XPO5: variants seen among roughly 807,000 people sequenced by gnomAD.
XPO5 encodes exportin-5.
XPO5 carries 46 observed loss-of-function variants against 160.6 expected under a neutral mutation model. The observed-to-expected ratio is 0.29, with a 90% CI of 0.23 to 0.37. The LOEUF (loss-of-function observed/expected upper bound fraction) is 0.37. Ranked by LOEUF, XPO5 falls within the 10% of genes least tolerant of loss-of-function variation. The pLI is 1.00. For synonymous variants in XPO5, 537 were observed against 519.3 expected (o/e 1.03, Z -0.46); for missense variants, 1,090 against 1,463.9 (o/e 0.74, Z 4.17).
intron 1 of XPO5, among the ~76,000 whole-genome samples, chr6:43,574,581 A>G (rs1274989375): frequency 1.3e-5 from 2 of 151,966 alleles, no homozygotes; most frequent in East Asian, 3.8e-4. Context: ...CAGTAGCCCT[A>G]CTAGTGTTGG....
chr6:43,560,795 C>A, intron 10 of XPO5, 129 bp downstream of exon 10: 1 of 775,596 alleles, frequency 1.3e-6, no homozygotes, highest in Non-Finnish European at 2.2e-6. Context: ...AATGAAATGA[C>A]ACTACGGTCA....
chr6:43,525,759 A>G (rs1008717368), intron 28 of XPO5, 80 bp downstream of exon 28: 5 of 1,435,512 alleles, frequency 3.5e-6, no homozygotes, highest in Non-Finnish European at 4.7e-6. Flanking sequence ...AACTCTTGAT[A>G]GCACCATAGA....
chr6:43,528,816 C>CT lies in XPO5; in HGVS notation c.2775+11dup. ...AGTACTCTTTGCTTCCTGTTCCTGA[C>CT]TTATCTCTTACCATATGGAGGTAGG... On this transcript the variant is annotated intron_variant, in intron 24 of 31. Transcript: ENST00000265351. 1 of 1,612,538 alleles carries CT rather than the reference C, an allele frequency of 6.2e-7. No individual in the cohort carries two copies. The highest frequency in any genetic ancestry group is 8.5e-7 in the Non-Finnish European group (1 of 1,178,958).
At chr6:43,531,016 C>T (rs1382377088) in intron 22 of XPO5, among the ~76,000 whole-genome samples, 192 bp from the exon 23 acceptor site, 3 of 152,164 alleles carry the variant, frequency 2.0e-5, no homozygotes. Flanking sequence ...TCAGCAGTAG[C>T]TTTCATTACT....
rs548836265 is a variant in XPO5 at position 43,523,213 on chromosome 6, A to G, written c.*655T>C. The G allele has an allele frequency of 1.7e-5, 3 of 173,440 alleles. No individual in the cohort carries two copies. The East Asian group carries it at 4.5e-4, about 26-fold the overall frequency. 10.7% of individuals were successfully genotyped at this position (173,440 alleles called of 1,614,324 possible). ...GGGATGTTAGCACTAAAGACTTCCC[A>G]GCCCTGGTCCTTGGAGGTACTATAC... is the stretch of plus-strand genomic sequence containing the variant. On this transcript the variant is annotated 3_prime_UTR_variant, in exon 32 of 32. Coordinates refer to ENST00000265351, the MANE Select transcript of XPO5 (RefSeq NM_020750.3).
At chr6:43,525,396 C>T (rs1793515499) in intron 28 of XPO5, 182 bp from the exon 29 acceptor site, 6 of 616,308 alleles carry the variant, frequency 9.7e-6, no homozygotes, top group Admixed American at 5.9e-5. Flanking sequence ...TCTAAGCCTC[C>T]CGAATAGCTG....
At chr6:43,545,770 A>G (rs555461865) in intron 20 of XPO5, among the ~76,000 whole-genome samples, 1 of 152,280 alleles carries the variant, frequency 6.6e-6, no homozygotes, top group South Asian at 2.1e-4. Flanking sequence ...TCTTTGGCCA[A>G]TAACTGAATT....
In XPO5 at chr6:43,565,660, T is replaced by C; in HGVS notation, c.911A>G (p.Gln304Arg). The change falls in exon 8 of 32, where the codon CAG (glutamine) becomes CGG (arginine). Residue 304 changes from glutamine (Q) to arginine (R), a missense_variant and splice_region_variant. This residue lies in a region of XPO5 where 810 missense variants were observed against 1,139.0 expected (regional missense o/e 0.71). Transcript: ENST00000265351. ...VAMHYILSAA[Q>R]TADGGGLVEK... ...CACACTGAAAAGTAAAGATACTCACTGTGCGGCGGAGAGTATATAATGCAT... is the reference window on the plus strand; with the variant it reads ...CACACTGAAAAGTAAAGATACTCACCGTGCGGCGGAGAGTATATAATGCAT... 9.4e-6 allele frequency: 15 copies of C among 1,595,734 alleles called. No individual in the cohort carries two copies. The highest frequency in any genetic ancestry group is 2.2e-5 in the East Asian group (1 of 44,512).
chr6:43,544,747 T>C (rs1294125258), intron 20 of XPO5, among the ~76,000 whole-genome samples: 1 of 152,218 alleles, frequency 6.6e-6, no homozygotes, highest in Non-Finnish European at 1.5e-5. Context: ...ACCCCATCTC[T>C]ATTAATAAAA....
At chr6:43,565,790 A>C in intron 7 of XPO5, 54 bp from the exon 8 acceptor site, 2 of 1,343,170 alleles carry the variant, frequency 1.5e-6, no homozygotes, top group Middle Eastern at 1.8e-4. Flanking sequence ...CAAAGTACCG[A>C]CATCTTCTGT....
chr6:43,569,462 G>A (rs149187790), intron 5 of XPO5, among the ~76,000 whole-genome samples: 2,112 of 152,170 alleles, frequency 0.014, 43 homozygotes, highest in African/African-American at 0.045. Flanking sequence ...GGCCAGGCGC[G>A]GTGGCTCACG....
chr6:43,526,119 A>C (rs1206501160), intron 27 of XPO5, 198 bp from the exon 28 acceptor site: 1 of 569,806 alleles, frequency 1.8e-6, no homozygotes, highest in South Asian at 2.2e-5. Context: ...CAAGCTGTAC[A>C]TGAGGGAAAT....
intron 20 of XPO5, among the ~76,000 whole-genome samples, chr6:43,535,246 C>T (rs1057496214): frequency 1.9e-4 from 28 of 151,104 alleles, no homozygotes; most frequent in Non-Finnish European, 3.4e-4. Context: ...GGCAACAGAG[C>T]GAGACTCTGT....
intron 20 of XPO5, chr6:43,539,545 G>T: frequency 7.0e-7 from 1 of 1,420,496 alleles, no homozygotes; most frequent in Non-Finnish European, 9.8e-7. Flanking sequence ...CTTTGGCCTT[G>T]CCTCCGCGAG....
chr6:43,566,236 A>C (rs1762688063), intron 7 of XPO5, among the ~76,000 whole-genome samples: 1 of 152,122 alleles, frequency 6.6e-6, no homozygotes, highest in African/African-American at 2.4e-5. Context: ...CTACTAAAAA[A>C]TACAAAAATT....
In XPO5 at chr6:43,533,913, T is replaced by C. The variant is rs1378156245; in HGVS notation, c.2437A>G (p.Ile813Val). The C allele has an allele frequency of 1.4e-5, 22 of 1,600,248 alleles. No individual in the cohort carries two copies. Among genetic ancestry groups the C allele is most frequent in the East Asian group, 1.4e-4 (6 of 44,260 alleles). ...AAAAGGTTACATTTCTTACCTAATATAGCAGATTTTTCCGCGTCAAGCATA... is the reference window on the plus strand; with the variant it reads ...AAAAGGTTACATTTCTTACCTAATACAGCAGATTTTTCCGCGTCAAGCATA... ...LDMLDAEKSA[I>V]LGLPQPLLEL... The change falls in exon 21 of 32, where the codon ATA becomes GTA. Residue 813 changes from isoleucine to valine, a missense_variant. Physicochemically the swap from Ile to Val is conservative, Grantham distance 29 (BLOSUM62 3). This residue lies in a region of XPO5 where 810 missense variants were observed against 1,139.0 expected (regional missense o/e 0.71). Coordinates refer to ENST00000265351, the MANE Select transcript of XPO5 (RefSeq NM_020750.3).
chr6:43,542,879 G>A lies in XPO5; in HGVS notation c.2342+3692C>T, dbSNP rs940450733. Among the ~76,000 whole-genome samples the A allele has an allele frequency of 1.4e-4, 22 of 152,134 alleles. 1 individual carries two copies. Among genetic ancestry groups the A allele is most frequent in the Non-Finnish European group, 2.9e-5 (2 of 68,012 alleles). On this transcript the variant is annotated intron_variant, in intron 20 of 31. Coordinates refer to ENST00000265351, the MANE Select transcript of XPO5 (RefSeq NM_020750.3). ...TCTACTCCTATGTGTGTATCCAACA[G>A]AAATTATATATATATGTTCACAAAA...
chr6:43,548,376 T>A lies in XPO5; in HGVS notation c.1945A>T (p.Met649Leu), dbSNP rs756502416. 1 of 1,613,584 alleles carries A rather than the reference T, an allele frequency of 6.2e-7. No homozygotes were observed. The highest frequency in any genetic ancestry group is 1.7e-5 in the Admixed American group (1 of 59,998). ...LLTQMEKCAL[M>L]EALVLISNQF... Reference sequence around the variant, plus strand: ...TTGCTAATGAGAACCAGGGCTTCCATGAGGGCACACTTCTCCATTTGTGTC... The same window carrying A: ...TTGCTAATGAGAACCAGGGCTTCCAAGAGGGCACACTTCTCCATTTGTGTC... Residue 649 changes from methionine to leucine, a missense_variant, in exon 18 of 32, where the codon ATG becomes TTG. Physicochemically the swap from Met to Leu is conservative, Grantham distance 15. This residue lies in a region of XPO5 where 810 missense variants were observed against 1,139.0 expected (regional missense o/e 0.71). Transcript: ENST00000265351.
chr6:43,526,053 G>C, intron 27 of XPO5, 132 bp from the exon 28 acceptor site: 1 of 903,880 alleles, frequency 1.1e-6, no homozygotes, highest in Non-Finnish European at 1.7e-6. Context: ...AGTACTAGGA[G>C]CCCTCCCACC....
Sources: allele counts gnomAD v4.1 joint callset (sites outside exome capture counted in the v4.1 genomes callset), GRCh38; gene constraint gnomAD v4.1.1; regional missense constraint gnomAD v4.1.1; transcripts MANE v1.5; gene names NCBI Gene and HGNC (gene_info 2026-07-23, HGNC 2026-07-21).